Variants in NEDD4L observed in about 807,000 individuals in gnomAD.
The protein encoded by NEDD4L is E3 ubiquitin-protein ligase NEDD4-like.
A neutral mutation model predicts 148.9 loss-of-function variants in NEDD4L; 54 were observed. The observed-to-expected ratio is 0.36, with a 90% confidence interval of 0.29 to 0.45. NEDD4L has a LOEUF of 0.45. Among genes scored for constraint, NEDD4L ranks in the 20% least tolerant of loss-of-function variants. The pLI is 1.00. For synonymous variants in NEDD4L, 433 were observed against 440.7 expected (o/e 0.98, Z 0.22); for missense variants, 856 against 1,233.8 (o/e 0.69, Z 4.59).
chr18:58,119,680 C>T (rs1398863958), intron 1 of NEDD4L, among the ~76,000 whole-genome samples: 1 of 152,216 alleles, frequency 6.6e-6, no homozygotes, highest in East Asian at 1.9e-4. Context: ...CCTGCTGGAC[C>T]CTGTGTAACT....
chr18:58,236,719 A>G (rs540635365), intron 2 of NEDD4L, among the ~76,000 whole-genome samples: 1 of 152,276 alleles, frequency 6.6e-6, no homozygotes, highest in East Asian at 1.9e-4. Flanking sequence ...TACGTTTCAG[A>G]TCATCCTTAA....
chr18:58,347,226 C>CCCCCCCCCA (rs1568793163), intron 16 of NEDD4L, among the ~76,000 whole-genome samples: 1 of 119,648 alleles, frequency 8.4e-6, no homozygotes, highest in Non-Finnish European at 1.8e-5. Flanking sequence ...CCCCCCCCCC[C>CCCCCCCCCA]CTTTAAATCA....
intron 30 of NEDD4L, among the ~76,000 whole-genome samples, chr18:58,393,065 C>A (rs992715208): frequency 2.0e-5 from 3 of 152,202 alleles, no homozygotes; most frequent in African/African-American, 7.2e-5. Flanking sequence ...ACCAGATACA[C>A]TGCCTCTGTT....
rs556774181 is a variant in NEDD4L at position 58,311,653 on chromosome 18, G to T, written c.298-4329G>T. Among the ~76,000 whole-genome samples, 4 of 152,198 alleles carry T rather than the reference G, an allele frequency of 2.6e-5. No individual in the cohort carries two copies. The East Asian group carries it at 7.7e-4, about 29-fold the overall frequency. ...TGGTCATTGGTGTATAGTAAGATTC[G>T]AATCACATCCTTCAAGTACAGTTCT... On this transcript the variant is annotated intron_variant, in intron 5 of 30. Transcript: ENST00000400345.
intron 1 of NEDD4L, among the ~76,000 whole-genome samples, chr18:58,057,659 CT>C (rs2082148344): frequency 6.6e-6 from 1 of 152,156 alleles, no homozygotes; most frequent in African/African-American, 2.4e-5. Context: ...GGCAAAACTG[CT>C]CCCAGGAAAA....
rs771711939 is a variant in NEDD4L at position 58,267,149 on chromosome 18, C to T, written c.297+15095C>T. ...ATCAATTGGCAATTTTATTATTTTT[C>T]GCTCATGAAAAACTCTAGGGTTACA... On this transcript the variant is annotated intron_variant, in intron 5 of 30. Coordinates refer to ENST00000400345, the MANE Select transcript of NEDD4L (RefSeq NM_001144967.3). Among the ~76,000 whole-genome samples, 19 of 151,950 alleles carry T rather than the reference C, an allele frequency of 1.3e-4. 1 individual carries two copies. Among genetic ancestry groups the T allele is most frequent in the Non-Finnish European group, 2.5e-4 (17 of 67,918 alleles).
intron 1 of NEDD4L, among the ~76,000 whole-genome samples, chr18:58,150,290 A>G (rs1188032177): frequency 6.6e-6 from 1 of 152,222 alleles, no homozygotes; most frequent in African/African-American, 2.4e-5. Flanking sequence ...GCTGGAGTGC[A>G]ATGGCATAAT....
In NEDD4L at chr18:58,256,794, A is replaced by T; in HGVS notation, c.297+4740A>T. 8.1e-7 allele frequency: 1 copy of T among 1,231,580 alleles called. No individual in the cohort carries two copies. Among genetic ancestry groups the T allele is most frequent in the Non-Finnish European group, 1.0e-6 (1 of 987,764 alleles). 76.3% of individuals were successfully genotyped at this position (1,231,580 alleles called of 1,614,324 possible). ...ACCACGGTAAGTTCACAGCGTGTTT[A>T]CATGTGTTTACTGATTTCAACTTCG... On this transcript the variant is annotated intron_variant, in intron 5 of 30. Transcript: ENST00000400345. This position sits in a 1 kb window ranked among gnomAD's most constrained non-coding sequence, Gnocchi z 5.2.
chr18:58,161,511 G>A (rs1424407827), intron 1 of NEDD4L, among the ~76,000 whole-genome samples: 1 of 148,852 alleles, frequency 6.7e-6, no homozygotes, highest in Non-Finnish European at 1.5e-5. Context: ...AAAAATGTAA[G>A]TCAGTCCAAA....
chr18:58,398,914 G>A lies in NEDD4L; in HGVS notation c.*2645G>A, dbSNP rs1407368876. The A allele has an allele frequency of 6.6e-6, 1 of 152,244 alleles. No individual in the cohort carries two copies. The highest frequency in any genetic ancestry group is 1.5e-5 in the Non-Finnish European group (1 of 68,066). The allele number at this position is 152,244 out of a possible 1,614,324, so 9.4% of individuals were successfully genotyped here. A position where few individuals can be genotyped will look rare whatever the true frequency, so the allele number is the denominator to read the frequency against. ...GCCCTGGGGGAGAGAGGGCAGTGTT[G>A]CCTATCCCAGAGGTCCCAGCAGTCA... On this transcript the variant is annotated 3_prime_UTR_variant, in exon 31 of 31. Coordinates refer to ENST00000400345, the MANE Select transcript of NEDD4L (RefSeq NM_001144967.3).
At chr18:58,095,162 C>T (rs557083919) in intron 1 of NEDD4L, among the ~76,000 whole-genome samples, 207 of 152,350 alleles carry the variant, frequency 1.4e-3, no homozygotes, top group African/African-American at 4.7e-3. Flanking sequence ...TCCCAACTCA[C>T]TCCGATGTCA....
At chr18:58,184,374 A>G (rs1286076581) in intron 2 of NEDD4L, among the ~76,000 whole-genome samples, 1 of 151,900 alleles carries the variant, frequency 6.6e-6, no homozygotes, top group Non-Finnish European at 1.5e-5. Flanking sequence ...TGGAGCAGAG[A>G]TGGTTTTGAT....
chr18:58,386,036 C>CTTGATTGATTGA (rs74183251), intron 26 of NEDD4L, among the ~76,000 whole-genome samples: 63 of 150,504 alleles, frequency 4.2e-4, no homozygotes, highest in Admixed American at 2.4e-3. Context: ...GCTGCCTGGG[C>CTTGATTGATTGA]TTGATTGATT....
intron 1 of NEDD4L, among the ~76,000 whole-genome samples, chr18:58,120,828 T>C (rs1278000033): frequency 2.0e-5 from 3 of 152,260 alleles, no homozygotes; most frequent in Non-Finnish European, 2.9e-5. Context: ...AGGAAAATTT[T>C]CTTTAGTCCA....
chr18:58,052,204 C>T (rs2081904691), intron 1 of NEDD4L, among the ~76,000 whole-genome samples: 1 of 152,204 alleles, frequency 6.6e-6, no homozygotes, highest in African/African-American at 2.4e-5. Flanking sequence ...ATCACAACTA[C>T]TGGTGTTTGA....
chr18:58,290,812 T>G (rs781401907), intron 5 of NEDD4L, among the ~76,000 whole-genome samples: 2 of 152,154 alleles, frequency 1.3e-5, no homozygotes, highest in Non-Finnish European at 2.9e-5. Flanking sequence ...GCTCTTAAAG[T>G]TAGCACCCTA....
At chr18:58,296,558 T>C (rs533314339) in intron 5 of NEDD4L, among the ~76,000 whole-genome samples, 33 of 152,342 alleles carry the variant, frequency 2.2e-4, no homozygotes, top group African/African-American at 7.7e-4. Context: ...GCCAGCGGGC[T>C]CCAGCCTCTG....
At chr18:58,324,377 A>C (rs1490601323) in intron 8 of NEDD4L, among the ~76,000 whole-genome samples, 1 of 152,228 alleles carries the variant, frequency 6.6e-6, no homozygotes, top group Non-Finnish European at 1.5e-5. Flanking sequence ...GGACACAGCC[A>C]GTGTAGAGGG....
intron 2 of NEDD4L, among the ~76,000 whole-genome samples, chr18:58,178,163 C>A (rs537183127): frequency 1.3e-5 from 2 of 152,290 alleles, no homozygotes; most frequent in African/African-American, 4.8e-5. Context: ...ATATTTAGAA[C>A]TGGGAGTGTC....
Sources: gnomAD v4.1 joint callset for allele counts (sites outside exome capture counted in the v4.1 genomes callset) on GRCh38, gnomAD v4.1.1 for gene constraint, Gnocchi (gnomAD v3.1) non-coding constraint, MANE v1.5 for transcripts, NCBI Gene and HGNC (gene_info 2026-07-23, HGNC 2026-07-21) for gene names.